Variants in NOL4 observed in about 807,000 individuals in gnomAD.
The protein encoded by NOL4 is cancer/testis antigen 125.
In NOL4, 17 loss-of-function variants were observed where a neutral mutation model predicts 75.9. The ratio of observed to expected loss-of-function variants is 0.22; its 90% CI spans 0.15 to 0.34. NOL4 has a LOEUF of 0.34. NOL4 is among the 10% of genes least tolerant of loss of function. The probability of loss-of-function intolerance (pLI) is 1.00; values close to 1 mark genes in which losing one functional copy is unlikely to be tolerated. For synonymous variants in NOL4, 292 were observed against 289.9 expected (o/e 1.01, Z -0.07); for missense variants, 614 against 793.5 (o/e 0.77, Z 2.72).
At chr18:34,160,405 TGTAA>T (rs1454014877) in intron 1 of NOL4, among the ~76,000 whole-genome samples, 2 of 152,134 alleles carry the variant, frequency 1.3e-5, no homozygotes, top group African/African-American at 4.8e-5. Context: ...TAAAAAATAT[TGTAA>T]GTAATAAATG....
chr18:33,966,105 ACTT>A (rs2070561849), intron 6 of NOL4, among the ~76,000 whole-genome samples: 1 of 152,136 alleles, frequency 6.6e-6, no homozygotes. Flanking sequence ...AAGAAGCACT[ACTT>A]CATGTTTAGA....
intron 1 of NOL4, chr18:34,222,182 C>T (rs1254196883): frequency 5.9e-5 from 87 of 1,472,630 alleles, no homozygotes; most frequent in Non-Finnish European, 6.7e-5. Context: ...ATGCCAGTGC[C>T]TCGCGGCGCC....
intron 8 of NOL4, among the ~76,000 whole-genome samples, chr18:33,956,883 A>G (rs940704963): frequency 2.0e-5 from 3 of 151,784 alleles, no homozygotes; most frequent in African/African-American, 7.3e-5. Flanking sequence ...TGAAAATGGT[A>G]TTCCTAGGTA....
chr18:33,899,955 T>G (rs1233743937), intron 9 of NOL4, among the ~76,000 whole-genome samples: 1 of 152,132 alleles, frequency 6.6e-6, no homozygotes, highest in South Asian at 2.1e-4. Flanking sequence ...CATTTTAAAC[T>G]GATAGGCAAA....
chr18:33,907,774 A>G (rs1424790021), intron 9 of NOL4, among the ~76,000 whole-genome samples: 2 of 152,162 alleles, frequency 1.3e-5, no homozygotes. Context: ...GAGCTTTATA[A>G]AGGGATTTAA....
intron 1 of NOL4, among the ~76,000 whole-genome samples, chr18:34,139,003 A>G (rs2081021644): frequency 6.6e-6 from 1 of 152,212 alleles, no homozygotes; most frequent in Non-Finnish European, 1.5e-5. Flanking sequence ...ATGTTGAAGC[A>G]GCCTTGCATC....
intron 10 of NOL4, among the ~76,000 whole-genome samples, chr18:33,860,364 C>T (rs1026520511): frequency 5.3e-5 from 8 of 152,138 alleles, no homozygotes; most frequent in African/African-American, 1.9e-4. Context: ...AAAACCTTAA[C>T]TCATTCCAGC....
At chr18:33,884,798 G>T (rs2064537315) in intron 9 of NOL4, among the ~76,000 whole-genome samples, 1 of 152,082 alleles carries the variant, frequency 6.6e-6, no homozygotes, top group South Asian at 2.1e-4. Flanking sequence ...GAGGAAATAT[G>T]AAATTAGTTT....
chr18:34,129,329 A>AT (rs1257277623), intron 2 of NOL4, among the ~76,000 whole-genome samples: 1 of 151,828 alleles, frequency 6.6e-6, no homozygotes, highest in Non-Finnish European at 1.5e-5. Flanking sequence ...AATAACACAT[A>AT]TCTTTTAATA....
intron 9 of NOL4, among the ~76,000 whole-genome samples, chr18:33,935,752 C>T (rs1383925194): frequency 2.6e-5 from 4 of 152,034 alleles, no homozygotes; most frequent in Non-Finnish European, 5.9e-5. Context: ...AAGTGAAGTT[C>T]AATAAAATGA....
At chr18:34,008,371 GTCTATCTA>G (rs10656153) in intron 6 of NOL4, among the ~76,000 whole-genome samples, 14,411 of 147,614 alleles carry the variant, frequency 0.098, 724 homozygotes, top group South Asian at 0.18. Context: ...CTATCTGTCT[GTCTATCTA>G]TCTATCTATC....
At chr18:34,059,127 ATATATATAT>A (rs1358527165) in intron 5 of NOL4, among the ~76,000 whole-genome samples, 1 of 49,340 alleles carries the variant, frequency 2.0e-5, no homozygotes, top group African/African-American at 7.9e-5. Context: ...ATATACATAT[ATATATATAT>A]ATATATATAT....
chr18:33,931,320 A>G (rs2067675807), intron 9 of NOL4, among the ~76,000 whole-genome samples: 2 of 152,164 alleles, frequency 1.3e-5, no homozygotes, highest in African/African-American at 4.8e-5. Context: ...GGGGAACTCT[A>G]TAGCAGGTGC....
At chr18:33,974,093 A>G (rs1313047905) in intron 6 of NOL4, among the ~76,000 whole-genome samples, 2 of 152,200 alleles carry the variant, frequency 1.3e-5, no homozygotes, top group African/African-American at 4.8e-5. Context: ...CATAGCCACC[A>G]TCATCAATAA....
intron 6 of NOL4, among the ~76,000 whole-genome samples, chr18:33,986,281 T>C (rs1003769825): frequency 1.3e-5 from 2 of 152,130 alleles, no homozygotes; most frequent in East Asian, 3.9e-4. Flanking sequence ...AAGCAAATAA[T>C]ATTGTTTTAT....
chr18:33,976,830 T>A (rs911691619), intron 6 of NOL4, among the ~76,000 whole-genome samples: 1 of 152,154 alleles, frequency 6.6e-6, no homozygotes, highest in African/African-American at 2.4e-5. Context: ...TTGTATTGAT[T>A]TGAGGGCACT....
At chr18:34,211,541 T>C (rs1313093792) in intron 1 of NOL4, among the ~76,000 whole-genome samples, 2 of 152,164 alleles carry the variant, frequency 1.3e-5, no homozygotes, top group African/African-American at 4.8e-5. Context: ...CTAAAACCCT[T>C]CAGCCATCTG....
chr18:34,141,958 T>C (rs912716411), intron 1 of NOL4, among the ~76,000 whole-genome samples: 1 of 151,992 alleles, frequency 6.6e-6, no homozygotes, highest in Non-Finnish European at 1.5e-5. Flanking sequence ...ATATCCAGAA[T>C]CTACAAAGAA....
chr18:33,906,993 T>C (rs1386048160), intron 9 of NOL4, among the ~76,000 whole-genome samples: 2 of 152,152 alleles, frequency 1.3e-5, no homozygotes, highest in African/African-American at 4.8e-5. Context: ...TTTCATTGTA[T>C]ATAAATTAGT....
Sources: gnomAD v4.1 joint callset for allele counts (sites outside exome capture counted in the v4.1 genomes callset) on GRCh38, gnomAD v4.1.1 for gene constraint, MANE v1.5 for transcripts, NCBI Gene and HGNC (gene_info 2026-07-23, HGNC 2026-07-21) for gene names.